Variants in USP34 observed in about 807,000 individuals in gnomAD.
The protein encoded by USP34 is ubiquitin specific peptidase 34, also known as ubiquitin carboxyl-terminal hydrolase 34.
USP34 carries 70 observed loss-of-function variants against 460.3 expected under a neutral mutation model. That is an observed-to-expected ratio of 0.15 (90% CI 0.13 to 0.19). The LOEUF is 0.19. Among genes scored for constraint, USP34 ranks in the 10% least tolerant of loss-of-function variants. USP34 has a pLI of 1.00. For missense variants in USP34, 3,985 were observed against 4,236.2 expected (o/e 0.94, Z 1.65); for synonymous variants, 1,647 against 1,405.3 (o/e 1.17, Z -3.85).
At chr2:61,373,256 A>C (rs1030471125) in intron 8 of USP34, among the ~76,000 whole-genome samples, 3 of 152,078 alleles carry the variant, frequency 2.0e-5, no homozygotes, top group African/African-American at 7.2e-5. Context: ...AGAAATAGAG[A>C]AACAAGATAT....
At chr2:61,272,529 C>T (rs1475576412) in intron 41 of USP34, among the ~76,000 whole-genome samples, 1 of 151,940 alleles carries the variant, frequency 6.6e-6, no homozygotes, top group Non-Finnish European at 1.5e-5. Flanking sequence ...CACGTCAAAG[C>T]ACTTTTCACC....
chr2:61,435,807 T>C (rs1268553925), intron 1 of USP34, among the ~76,000 whole-genome samples: 2 of 151,986 alleles, frequency 1.3e-5, no homozygotes, highest in Non-Finnish European at 2.9e-5. Flanking sequence ...GACGGGCAGA[T>C]CACTTGAGGT....
chr2:61,444,258 C>A (rs1446600261), intron 1 of USP34, among the ~76,000 whole-genome samples: 2 of 151,572 alleles, frequency 1.3e-5, no homozygotes, highest in Non-Finnish European at 2.9e-5. Flanking sequence ...AAAATAAAAT[C>A]TATTAAAAAG....
intron 29 of USP34, among the ~76,000 whole-genome samples, chr2:61,298,522 A>G (rs1202891765): frequency 8.4e-6 from 1 of 118,570 alleles, no homozygotes; most frequent in African/African-American, 3.1e-5. Flanking sequence ...TGGAGGACAG[A>G]GTGAGACTCT....
intron 69 of USP34, 115 bp downstream of exon 69, chr2:61,211,657 A>G (rs1572839037): frequency 3.5e-6 from 4 of 1,144,158 alleles, no homozygotes; most frequent in Non-Finnish European, 4.7e-6. Flanking sequence ...AAATGTTCCA[A>G]AGTGGCTACA....
At chr2:61,231,808 T>G (rs1687913650) in intron 58 of USP34, among the ~76,000 whole-genome samples, 1 of 99,344 alleles carries the variant, frequency 1.0e-5, no homozygotes, top group African/African-American at 5.3e-5. Context: ...AGCAAAACCC[T>G]CTAAAAAAAT....
At position 61,369,517 on chromosome 2, in the gene USP34, C is replaced by T. The variant is rs1572975093; in HGVS notation, c.1251+804G>A. The stretch of plus-strand genomic sequence containing the variant: ...AATTAGCTGGGCGTGGCGGTGCATA[C>T]CTATAGTCCTAGCTATTCAGGAGCG... On this transcript the variant is annotated intron_variant, in intron 10 of 79. Coordinates refer to ENST00000398571, the MANE Select transcript of USP34 (RefSeq NM_014709.4). Among the ~76,000 whole-genome samples the T allele has an allele frequency of 2.0e-5, 3 of 151,826 alleles. No individual in the cohort carries two copies. The South Asian group carries it at 6.3e-4, about 32-fold the overall frequency.
At chr2:61,308,719 G>T (rs1690489709) in intron 27 of USP34, among the ~76,000 whole-genome samples, 1 of 152,144 alleles carries the variant, frequency 6.6e-6, no homozygotes, top group Admixed American at 6.6e-5. Flanking sequence ...AGAAAAAAGT[G>T]AAGACTGATT....
Position 61,188,977 on chromosome 2 carries a change from T to A in USP34, c.9966A>T (p.Lys3322Asn). 1 of 1,614,196 alleles carries A rather than the reference T, an allele frequency of 6.2e-7. No homozygotes were observed. Reference protein sequence around the residue: ...LIPTLQELLSKCRTCLQQRNS... With the variant: ...LIPTLQELLSNCRTCLQQRNS... Reference sequence around the variant, plus strand: ...TTCTCTGTTGCAGACAAGTCCTGCATTTGCTTAAAAGCTCTTGCAGAGTTG... The same window carrying A: ...TTCTCTGTTGCAGACAAGTCCTGCAATTGCTTAAAAGCTCTTGCAGAGTTG... The change falls in exon 79 of 80, where the codon AAA (lysine) becomes AAT (asparagine). Residue 3322 changes from lysine to asparagine, a missense_variant. Around this residue, in one of 14 missense-constraint regions of USP34, gnomAD observed 506 missense variants for 439.0 expected, o/e 1.15. Transcript: ENST00000398571.
rs1693450872 is a variant in USP34, at chr2:61,394,394, T to A, written c.753+459A>T. Reference sequence around the variant, plus strand: ...GGGCAACATGGTAAAACTCTGTCTCTAAAAAAAGTACAAAAATTCAGCCAG... The same window carrying A: ...GGGCAACATGGTAAAACTCTGTCTCAAAAAAAAGTACAAAAATTCAGCCAG... On this transcript the variant is annotated intron_variant, in intron 5 of 79. Coordinates refer to ENST00000398571, the MANE Select transcript of USP34 (RefSeq NM_014709.4). Among the ~76,000 whole-genome samples, 4 of 151,702 alleles carry A rather than the reference T, an allele frequency of 2.6e-5. No individual in the cohort carries two copies. The South Asian group carries it at 8.3e-4, about 32-fold the overall frequency.
chr2:61,189,269 T>TG lies in USP34; in HGVS notation c.9874-201_9874-200insC. The TG allele has an allele frequency of 5.5e-6, 3 of 548,060 alleles. No individual in the cohort carries two copies. The South Asian group carries it at 1.0e-4, about 19-fold the overall frequency. 33.9% of individuals were successfully genotyped at this position (548,060 alleles called of 1,614,324 possible). On this transcript the variant is annotated intron_variant, in intron 78 of 79. Coordinates refer to ENST00000398571, the MANE Select transcript of USP34 (RefSeq NM_014709.4). ...AGCATTTCATTAGTTGTTTTTTTTT[T>TG]TTGTTTTGTTTTTGTTTTTTTTGAG...
At chr2:61,194,049 G>A (rs770422295) in intron 75 of USP34, 25 of 891,188 alleles carry the variant, frequency 2.8e-5, no homozygotes, top group Non-Finnish European at 3.2e-5. Flanking sequence ...CTAGCAGGTA[G>A]CCATGGTTAT....
At chr2:61,303,527 A>C (rs372858737) in intron 27 of USP34, among the ~76,000 whole-genome samples, 31 of 152,366 alleles carry the variant, frequency 2.0e-4, no homozygotes, top group South Asian at 6.2e-4. Context: ...CCAGAAGAAA[A>C]GTAAATGCTT....
Position 61,265,393 on chromosome 2 carries a change from C to A in USP34, c.5778+4G>T, listed in dbSNP as rs752553897. ...TTTGATTTTTAAAGTGAGGAAAATT[C>A]TACCTTGGCAGTGAAGACAGCCTGT... is the stretch of plus-strand genomic sequence containing the variant. On this transcript the variant is annotated splice_donor_region_variant and intron_variant, in intron 43 of 79. Coordinates refer to ENST00000398571, the MANE Select transcript of USP34 (RefSeq NM_014709.4). The A allele has an allele frequency of 3.8e-6, 6 of 1,596,198 alleles. No individual in the cohort carries two copies. The East Asian group carries it at 1.4e-4, about 36-fold the overall frequency.
Position 61,349,295 on chromosome 2 carries a change from A to C in USP34, c.1508-10T>G. ...CTAAGCTCTTCTTCCTCTGAAGGAA[A>C]AGGAAAAAACAGGAGAAAAACATTC... On this transcript the variant is annotated splice_polypyrimidine_tract_variant and intron_variant, in intron 12 of 79. Coordinates refer to ENST00000398571, the MANE Select transcript of USP34 (RefSeq NM_014709.4). 3.1e-6 allele frequency: 5 copies of C among 1,612,974 alleles called. No individual in the cohort carries two copies. The highest frequency in any genetic ancestry group is 4.2e-6 in the Non-Finnish European group (5 of 1,179,570).
intron 5 of USP34, among the ~76,000 whole-genome samples, chr2:61,391,850 A>G (rs1693356616): frequency 1.3e-5 from 2 of 152,226 alleles, no homozygotes; most frequent in Non-Finnish European, 2.9e-5. Context: ...GCCAATCTAC[A>G]ATATTTTTTA....
chr2:61,200,876 T>C (rs1005996783), intron 75 of USP34: 2 of 152,206 alleles, frequency 1.3e-5, no homozygotes, highest in Non-Finnish European at 1.5e-5. Context: ...ACTCTTTCCA[T>C]TTATAGGAGG....
chr2:61,229,720 A>C, intron 58 of USP34, 87 bp from the exon 59 acceptor site: 3 of 1,152,312 alleles, frequency 2.6e-6, no homozygotes, highest in Non-Finnish European at 3.8e-6. Flanking sequence ...ATTCTCTGCC[A>C]CCCATTTATA....
At chr2:61,299,104 A>C (rs1051553124) in intron 29 of USP34, among the ~76,000 whole-genome samples, 3 of 152,174 alleles carry the variant, frequency 2.0e-5, no homozygotes, top group African/African-American at 7.2e-5. Context: ...GCTTGAAAAA[A>C]CAATGGGTAT....
Sources: allele counts gnomAD v4.1 joint callset (sites outside exome capture counted in the v4.1 genomes callset), GRCh38; gene constraint gnomAD v4.1.1; regional missense constraint gnomAD v4.1.1; transcripts MANE v1.5; gene names NCBI Gene and HGNC (gene_info 2026-07-23, HGNC 2026-07-21).